FOXO3: variants seen among roughly 807,000 people sequenced by gnomAD.
FOXO3 encodes forkhead box protein O3.
Under a neutral mutation model 41.9 loss-of-function variants are expected in FOXO3, and 4 were observed. The ratio of observed to expected loss-of-function variants is 0.10; its 90% confidence interval spans 0.05 to 0.22. The LOEUF is 0.22. FOXO3 is among the 10% of genes least tolerant of loss of function. The pLI, the probability that FOXO3 is intolerant of heterozygous loss-of-function variation, is 1.00. For missense variants in FOXO3, 534 were observed against 906.8 expected (o/e 0.59, Z 5.28); for synonymous variants, 318 against 389.3 (o/e 0.82, Z 2.16).
At chr6:108,580,349 C>T (rs980860420) in intron 1 of FOXO3, among the ~76,000 whole-genome samples, 15 of 152,020 alleles carry the variant, frequency 9.9e-5, no homozygotes, top group African/African-American at 2.2e-4. Flanking sequence ...CCATCGTGCT[C>T]GGCTAATTAG....
intron 1 of FOXO3, among the ~76,000 whole-genome samples, chr6:108,580,528 C>T (rs1004813650): frequency 6.6e-6 from 1 of 152,156 alleles, no homozygotes; most frequent in Non-Finnish European, 1.5e-5. Context: ...AGGTACGAAA[C>T]GGCTAAGTGA....
chr6:108,644,620 C>T (rs1038791443), intron 1 of FOXO3, among the ~76,000 whole-genome samples: 2 of 152,182 alleles, frequency 1.3e-5, no homozygotes, highest in Non-Finnish European at 2.9e-5. Context: ...TACCTGCCCT[C>T]ATGTTGCATG....
chr6:108,567,869 A>C (rs757645354), intron 1 of FOXO3, among the ~76,000 whole-genome samples: 5 of 152,186 alleles, frequency 3.3e-5, no homozygotes, highest in Non-Finnish European at 7.4e-5. Context: ...CAACATGGTG[A>C]AACCCTGTCT....
At chr6:108,562,927 C>T (rs532741270) in intron 1 of FOXO3, among the ~76,000 whole-genome samples, 9 of 152,276 alleles carry the variant, frequency 5.9e-5, no homozygotes, top group African/African-American at 2.2e-4. Context: ...CAGTACCAGG[C>T]CAAAGAGTCC....
chr6:108,631,412 C>T (rs1386775254), intron 1 of FOXO3, among the ~76,000 whole-genome samples: 1 of 152,104 alleles, frequency 6.6e-6, no homozygotes, highest in Non-Finnish European at 1.5e-5. Context: ...TTGGTCATTT[C>T]CACCTCTGGT....
chr6:108,616,156 G>GTTT (rs35632295), intron 1 of FOXO3, among the ~76,000 whole-genome samples: 28 of 55,156 alleles, frequency 5.1e-4, no homozygotes, highest in African/African-American at 1.4e-3. Flanking sequence ...CCCAACTAAG[G>GTTT]TTTTTTTTTT....
At position 108,561,179 on chromosome 6, in the gene FOXO3, G is replaced by T; in HGVS notation, c.-30G>T. 1 of 1,512,462 alleles carries T rather than the reference G, an allele frequency of 6.6e-7. No homozygotes were observed. The highest frequency in any genetic ancestry group is 8.8e-7 in the Non-Finnish European group (1 of 1,137,480). 93.7% of individuals were successfully genotyped at this position (1,512,462 alleles called of 1,614,324 possible). A position where few individuals can be genotyped will look rare whatever the true frequency, so the allele number is the denominator to read the frequency against. On this transcript the variant is annotated 5_prime_UTR_variant, in exon 1 of 3. Coordinates refer to ENST00000406360, the MANE Select transcript of FOXO3 (RefSeq NM_001455.4). The stretch of plus-strand genomic sequence containing the variant: ...CCCGGCGCGAGAGGAGAGCGCGAGA[G>T]CCCCAGCCGCGGGCGGGCGGGCGGC...
chr6:108,616,728 A>G (rs1291513420), intron 1 of FOXO3, among the ~76,000 whole-genome samples: 12 of 152,216 alleles, frequency 7.9e-5, no homozygotes, highest in Admixed American at 7.9e-4. Context: ...GTGCAACCAC[A>G]ATCTAATTTT....
In FOXO3 at chr6:108,560,957, G is replaced by A. The variant is rs1237931545; in HGVS notation, c.-252G>A. 6.8e-6 allele frequency: 9 copies of A among 1,323,806 alleles called. No homozygotes were observed. In the South Asian group the frequency reaches 8.4e-5, roughly 12 times the overall value. The allele number at this position is 1,323,806 out of a possible 1,614,324, so 82.0% of individuals were successfully genotyped here. ...AGGTTCGCTGGCCGCACGTCTTCAGGTCCTCCTGTTCCTGGGAGGCGGGCG... is the reference window on the plus strand; with the variant it reads ...AGGTTCGCTGGCCGCACGTCTTCAGATCCTCCTGTTCCTGGGAGGCGGGCG... On this transcript the variant is annotated 5_prime_UTR_variant, in exon 1 of 3. Transcript: ENST00000406360.
chr6:108,569,868 T>G (rs922009609), intron 1 of FOXO3, among the ~76,000 whole-genome samples: 2 of 152,062 alleles, frequency 1.3e-5, no homozygotes, highest in African/African-American at 4.8e-5. Flanking sequence ...GGAGTGAACC[T>G]ATAGTAAACC....
chr6:108,592,762 G>A lies in FOXO3; in HGVS notation c.621+30933G>A, dbSNP rs534357517. Among the ~76,000 whole-genome samples, 13 of 152,142 alleles carry A rather than the reference G, an allele frequency of 8.5e-5. No homozygotes were observed. In the South Asian group the frequency reaches 2.5e-3, roughly 29 times the overall value. ...ATGAATTTTGCTTCTGGCATTTGTC[G>A]GCCACAGCTGTGGCTTCGGGTTGCA... On this transcript the variant is annotated intron_variant, in intron 1 of 2. Transcript: ENST00000406360.
At chr6:108,649,515 C>CTT (rs886836999) in intron 1 of FOXO3, among the ~76,000 whole-genome samples, 1,040 of 95,200 alleles carry the variant, frequency 0.011, 96 homozygotes, top group Non-Finnish European at 0.015. Context: ...CCACCCTCAG[C>CTT]TTTTTTTTTT....
Position 108,681,622 on chromosome 6 carries a change from C to T in FOXO3, c.*1830C>T, listed in dbSNP as rs1219500895. 6.6e-6 allele frequency: 1 copy of T among 151,304 alleles called. No homozygotes were observed. 9.4% of individuals were successfully genotyped at this position (151,304 alleles called of 1,614,324 possible). Reference sequence around the variant, plus strand: ...CCTCGCTTGGGTTGCCATGTTTGAGCGATGGCCCTGTTGATTTCACCCTGC... The same window carrying T: ...CCTCGCTTGGGTTGCCATGTTTGAGTGATGGCCCTGTTGATTTCACCCTGC... On this transcript the variant is annotated 3_prime_UTR_variant, in exon 3 of 3. Coordinates refer to ENST00000406360, the MANE Select transcript of FOXO3 (RefSeq NM_001455.4).
At chr6:108,646,081 CTCA>C (rs1325847220) in intron 1 of FOXO3, among the ~76,000 whole-genome samples, 1 of 152,160 alleles carries the variant, frequency 6.6e-6, no homozygotes, top group East Asian at 1.9e-4. Flanking sequence ...TCTCTGCCCT[CTCA>C]TCTCAGCAAG....
intron 1 of FOXO3, among the ~76,000 whole-genome samples, chr6:108,590,170 A>G (rs556976731): frequency 6.6e-6 from 1 of 151,726 alleles, no homozygotes; most frequent in Non-Finnish European, 1.5e-5. Flanking sequence ...TTACTCTGTC[A>G]TGCAGGCTGG....
At chr6:108,581,912 T>G (rs1455327690) in intron 1 of FOXO3, among the ~76,000 whole-genome samples, 3 of 152,182 alleles carry the variant, frequency 2.0e-5, no homozygotes, top group Non-Finnish European at 4.4e-5. Context: ...TTAAAAAAAC[T>G]TGGTTGTCTG....
chr6:108,602,479 G>A (rs56680760), intron 1 of FOXO3, among the ~76,000 whole-genome samples: 1,820 of 151,968 alleles, frequency 0.012, 52 homozygotes, highest in African/African-American at 0.042. Context: ...CTTGTTTTTT[G>A]CGTGAAGTTT....
chr6:108,592,363 CCAA>C (rs1776753027), intron 1 of FOXO3, among the ~76,000 whole-genome samples: 1 of 152,038 alleles, frequency 6.6e-6, no homozygotes, highest in Admixed American at 6.6e-5. Flanking sequence ...TAACTTAAGG[CCAA>C]ATAGTCCATT....
chr6:108,662,094 A>G (rs1194866875), intron 1 of FOXO3, among the ~76,000 whole-genome samples: 2 of 152,096 alleles, frequency 1.3e-5, no homozygotes, highest in Non-Finnish European at 2.9e-5. Context: ...CCAGCATACC[A>G]TATTACCTTT....
Sources: gnomAD v4.1 joint callset for allele counts (sites outside exome capture counted in the v4.1 genomes callset) on GRCh38, gnomAD v4.1.1 for gene constraint, MANE v1.5 for transcripts, NCBI Gene and HGNC (gene_info 2026-07-23, HGNC 2026-07-21) for gene names.